IGF1R: variants seen among roughly 807,000 people sequenced by gnomAD.
IGF1R encodes insulin-like growth factor 1 receptor.
IGF1R carries 44 observed loss-of-function variants against 144.6 expected under a neutral mutation model. That is an observed-to-expected ratio of 0.30 (90% confidence interval 0.24 to 0.39). The LOEUF is 0.39. Among genes scored for constraint, IGF1R ranks in the 10% least tolerant of loss-of-function variants. The probability of loss-of-function intolerance (pLI) is 1.00; values close to 1 mark genes in which losing one functional copy is unlikely to be tolerated. For synonymous variants in IGF1R, 795 were observed against 722.8 expected (o/e 1.10, Z -1.60); for missense variants, 1,355 against 1,833.7 (o/e 0.74, Z 4.77).
At chr15:98,749,591 C>G (rs1278336275) in intron 2 of IGF1R, among the ~76,000 whole-genome samples, 1 of 152,158 alleles carries the variant, frequency 6.6e-6, no homozygotes, top group Non-Finnish European at 1.5e-5. Context: ...TGAATGGTTA[C>G]AAATTGTTTG....
At chr15:98,714,074 G>C (rs573110123) in intron 2 of IGF1R, among the ~76,000 whole-genome samples, 102 of 152,198 alleles carry the variant, frequency 6.7e-4, no homozygotes, top group Non-Finnish European at 1.3e-3. Flanking sequence ...TGGAGCCTTC[G>C]AGAAGGCAGT....
chr15:98,833,946 C>T (rs938253902), intron 2 of IGF1R, among the ~76,000 whole-genome samples: 1 of 152,216 alleles, frequency 6.6e-6, no homozygotes, highest in Admixed American at 6.5e-5. Context: ...GGTAATTACT[C>T]GAATTACCCT....
intron 1 of IGF1R, among the ~76,000 whole-genome samples, chr15:98,653,999 A>C (rs535734867): frequency 6.6e-6 from 1 of 152,256 alleles, no homozygotes; most frequent in Non-Finnish European, 1.5e-5. Context: ...TACTCAGTGC[A>C]TGAACCTGCA....
chr15:98,753,021 C>A (rs1201322418), intron 2 of IGF1R, among the ~76,000 whole-genome samples: 1 of 148,796 alleles, frequency 6.7e-6, no homozygotes. Flanking sequence ...CTGCAACCTC[C>A]GCCTCCAGGG....
chr15:98,899,151 A>G (rs186361274), intron 4 of IGF1R, among the ~76,000 whole-genome samples: 2 of 152,334 alleles, frequency 1.3e-5, no homozygotes, highest in Non-Finnish European at 1.5e-5. Context: ...AGAGCATATT[A>G]AAAGACGTTC....
chr15:98,852,376 T>G (rs1429602048), intron 2 of IGF1R, among the ~76,000 whole-genome samples: 4 of 152,224 alleles, frequency 2.6e-5, no homozygotes, highest in Middle Eastern at 3.4e-3. Flanking sequence ...GGACCAAGGT[T>G]GTTTACTACT....
intron 2 of IGF1R, among the ~76,000 whole-genome samples, chr15:98,776,478 G>A (rs777971761): frequency 2.2e-4 from 33 of 152,242 alleles, no homozygotes; most frequent in Admixed American, 7.2e-4. Flanking sequence ...GAGCCACTGC[G>A]CCCAGCCAGA....
At chr15:98,667,474 C>T (rs967651181) in intron 1 of IGF1R, among the ~76,000 whole-genome samples, 1 of 152,318 alleles carries the variant, frequency 6.6e-6, no homozygotes, top group Non-Finnish European at 1.5e-5. Context: ...GCCTTACAGG[C>T]CAGGAAGCTT....
At position 98,959,371 on chromosome 15, in the gene IGF1R, AC is replaced by A; in HGVS notation, c.*1935del. 1 of 233,628 alleles carries A rather than the reference AC, an allele frequency of 4.3e-6. No homozygotes were observed. Among genetic ancestry groups the A allele is most frequent in the Non-Finnish European group, 8.5e-6 (1 of 118,014 alleles). 14.5% of individuals were successfully genotyped at this position (233,628 alleles called of 1,614,324 possible). ...GGCAGGGCCTGTTGTGGCCCTCGCCACCCCCCTCACCGGACCGACTGACCTG... is the reference window on the plus strand; with the variant it reads ...GGCAGGGCCTGTTGTGGCCCTCGCCACCCCCTCACCGGACCGACTGACCTG... On this transcript the variant is annotated 3_prime_UTR_variant, in exon 21 of 21. Transcript: ENST00000650285.
Position 98,957,377 on chromosome 15 carries a change from G to A in IGF1R, c.4039G>A (p.Ala1347Thr), listed in dbSNP as rs909142461. 3.7e-6 allele frequency: 6 copies of A among 1,613,254 alleles called. No homozygotes were observed. Among genetic ancestry groups the A allele is most frequent in the Middle Eastern group, 1.6e-4 (1 of 6,076 alleles). Residue 1347 changes from alanine to threonine, a missense_variant, in exon 21 of 21, where the codon GCC becomes ACC. This residue lies in a region of IGF1R where 219 missense variants were observed against 188.8 expected (regional missense o/e 1.16). Transcript: ENST00000650285. ...RASFDERQPY[A>T]HMNGGRKNER... ...CAGCTTCGACGAGAGACAGCCTTAC[G>A]CCCACATGAACGGGGGCCGCAAGAA... is the stretch of plus-strand genomic sequence containing the variant.
At chr15:98,692,205 G>A (rs527984004) in intron 1 of IGF1R, among the ~76,000 whole-genome samples, 26 of 152,244 alleles carry the variant, frequency 1.7e-4, no homozygotes, top group African/African-American at 6.3e-4. Flanking sequence ...GGGCATGGTG[G>A]TGCTTGCTTT....
At chr15:98,829,717 T>C (rs1010994286) in intron 2 of IGF1R, among the ~76,000 whole-genome samples, 5 of 152,186 alleles carry the variant, frequency 3.3e-5, no homozygotes, top group Non-Finnish European at 7.3e-5. Flanking sequence ...ATGCAGCAAT[T>C]ATGACCTTAA....
intron 2 of IGF1R, among the ~76,000 whole-genome samples, chr15:98,854,753 T>C (rs918255300): frequency 2.6e-5 from 4 of 152,180 alleles, no homozygotes; most frequent in African/African-American, 9.7e-5. Flanking sequence ...AGAAGAGCCC[T>C]GTGACTTGAG....
chr15:98,911,533 C>G, intron 7 of IGF1R, 92 bp downstream of exon 7: 1 of 1,554,174 alleles, frequency 6.4e-7, no homozygotes, highest in Non-Finnish European at 8.8e-7. Flanking sequence ...TGGCTGAATA[C>G]AGGGGGTCAG....
At chr15:98,697,876 T>C (rs996711041) in intron 1 of IGF1R, among the ~76,000 whole-genome samples, 2 of 131,620 alleles carry the variant, frequency 1.5e-5, no homozygotes, top group Non-Finnish European at 3.2e-5. Context: ...TAGCTGGAAT[T>C]ACACGCGCCC....
At chr15:98,693,263 G>T (rs1482763101) in intron 1 of IGF1R, among the ~76,000 whole-genome samples, 2 of 152,214 alleles carry the variant, frequency 1.3e-5, no homozygotes, top group Non-Finnish European at 2.9e-5. Context: ...TTGGCTACGG[G>T]CAGGGGAGCG....
intron 1 of IGF1R, among the ~76,000 whole-genome samples, chr15:98,668,400 C>G (rs374778338): frequency 1.3e-5 from 2 of 152,172 alleles, no homozygotes; most frequent in South Asian, 4.1e-4. Flanking sequence ...TTGGCCAGGT[C>G]TGAGAGTTGG....
intron 2 of IGF1R, among the ~76,000 whole-genome samples, chr15:98,880,096 A>T (rs1185974813): frequency 6.6e-6 from 1 of 152,170 alleles, no homozygotes; most frequent in Non-Finnish European, 1.5e-5. Flanking sequence ...CAAATTGTAC[A>T]CTCTAAATGG....
At position 98,935,826 on chromosome 15, in the gene IGF1R, G is replaced by A. The variant is rs557362274; in HGVS notation, c.3297+400G>A. 1.3e-5 allele frequency among the ~76,000 whole-genome samples: 2 copies of A among 152,124 alleles called. No individual in the cohort carries two copies. Among genetic ancestry groups the A allele is most frequent in the Non-Finnish European group, 1.5e-5 (1 of 68,042 alleles). On this transcript the variant is annotated intron_variant, in intron 17 of 20. Coordinates refer to ENST00000650285, the MANE Select transcript of IGF1R (RefSeq NM_000875.5). The surrounding 1 kb of genome is among the most constrained non-coding windows in gnomAD (Gnocchi z 4.2). ...ATGCGCTTGACTCACATCCTCGTAT[G>A]TGTTCTCTCTCGTTATGTTGTGTTG...
Sources: gnomAD v4.1 joint callset for allele counts (sites outside exome capture counted in the v4.1 genomes callset) on GRCh38, gnomAD v4.1.1 for gene constraint, gnomAD v4.1.1 regional missense constraint, Gnocchi (gnomAD v3.1) non-coding constraint, MANE v1.5 for transcripts, NCBI Gene and HGNC (gene_info 2026-07-23, HGNC 2026-07-21) for gene names.